The following PPCS variants were observed in gnomAD, a reference collection of about 807,000 sequenced individuals.
PPCS encodes phosphopantothenate--cysteine ligase.
A neutral mutation model predicts 24.6 loss-of-function variants in PPCS; 17 were observed. That is an observed-to-expected ratio of 0.69 (90% CI 0.47 to 1.04). The LOEUF is 1.04. Ranked by LOEUF, PPCS falls within the 50% of genes least tolerant of loss-of-function variation. PPCS has a pLI of 0.00. For synonymous variants in PPCS, 190 were observed against 168.3 expected, an observed-to-expected ratio of 1.13 and a Z score of -1.00; for missense variants, 360 against 402.8, an observed-to-expected ratio of 0.89 and a Z score of 0.91.
Position 42,471,036 on chromosome 1 carries a change from A to T in PPCS, n.378-2086A>T, listed in dbSNP as rs191991938. ...TAGAGGGAGACACATGGAGTTTAGG[A>T]TGGCAGGGTTTCAACATTAGCTCAG... On this transcript the variant is annotated intron_variant and non_coding_transcript_variant, in intron 2 of 2. Transcript: ENST00000471420. Among the ~76,000 whole-genome samples the T allele has an allele frequency of 6.6e-4, 100 of 152,334 alleles. 2 individuals carry two copies. Among genetic ancestry groups the T allele is most frequent in the Middle Eastern group, 3.4e-3 (1 of 294 alleles).
chr1:42,471,003 G>A (rs897576156), intron 2 of PPCS, among the ~76,000 whole-genome samples: 2 of 152,312 alleles, frequency 1.3e-5, no homozygotes, highest in Middle Eastern at 3.4e-3. Context: ...AAGAAGCATA[G>A]AAGGTGTTAG....
chr1:42,469,527 G>C (rs1296584453), intron 2 of PPCS, among the ~76,000 whole-genome samples: 1 of 152,164 alleles, frequency 6.6e-6, no homozygotes, highest in Non-Finnish European at 1.5e-5. Context: ...GTTATTTCTT[G>C]TATCTTTAAG....
Position 42,457,284 on chromosome 1 carries a change from A to G in PPCS, c.546A>G (p.Ser182=). ...TGTTTTACCTGGCTGCGGCTGTGTCAGATTTCTATGTTCCTGTCTCTGAAA... is the reference window on the plus strand; with the variant it reads ...TGTTTTACCTGGCTGCGGCTGTGTCGGATTTCTATGTTCCTGTCTCTGAAA... ...SAMFYLAAAV[S]DFYVPVSEMP... The change falls in exon 2 of 3, where the codon TCA becomes TCG. Residue 182 remains serine (S), a synonymous_variant. Transcript: ENST00000372561. The G allele has an allele frequency of 1.2e-5, 19 of 1,614,184 alleles. No individual in the cohort carries two copies. Among genetic ancestry groups the G allele is most frequent in the Non-Finnish European group, 1.6e-5 (19 of 1,180,030 alleles).
intron 2 of PPCS, among the ~76,000 whole-genome samples, chr1:42,467,182 G>A (rs983758444): frequency 6.6e-6 from 1 of 152,150 alleles, no homozygotes; most frequent in Non-Finnish European, 1.5e-5. Context: ...AAGAATATCT[G>A]GTCCCAAGCT....
rs1569627059 is a variant in PPCS at position 42,460,084 on chromosome 1, A to G, written c.*158A>G. On this transcript the variant is annotated 3_prime_UTR_variant, in exon 3 of 3. Transcript: ENST00000372561. ...ATGGTTTGGCATTTGTCTTTTAATG[A>G]CACCTGATATGATGTCATTTTGATT... The G allele has an allele frequency of 7.2e-7, 1 of 1,392,924 alleles. No homozygotes were observed. The highest frequency in any genetic ancestry group is 2.6e-5 in the East Asian group (1 of 39,170). The allele number at this position is 1,392,924 out of a possible 1,614,324, so 86.3% of individuals were successfully genotyped here.
Position 42,460,306 on chromosome 1 carries a change from G to A in PPCS, c.*380G>A. 1 of 992,694 alleles carries A rather than the reference G, an allele frequency of 1.0e-6. No homozygotes were observed. Among genetic ancestry groups the A allele is most frequent in the South Asian group, 4.6e-5 (1 of 21,890 alleles). The allele number at this position is 992,694 out of a possible 1,614,324, so 61.5% of individuals were successfully genotyped here. On this transcript the variant is annotated 3_prime_UTR_variant, in exon 3 of 3. Transcript: ENST00000372561. ...GCCTATGTATGTCAGGCCCTGTGCT[G>A]AGCCATGAGGATTAAAAAGATGAAT...
intron 2 of PPCS, among the ~76,000 whole-genome samples, chr1:42,466,990 T>C (rs1338714135): frequency 6.6e-6 from 1 of 152,214 alleles, no homozygotes; most frequent in Non-Finnish European, 1.5e-5. Flanking sequence ...TCTCAATAAA[T>C]CCACTGGGAA....
downstream of PPCS, among the ~76,000 whole-genome samples, chr1:42,465,020 A>C (rs1358272324): frequency 6.6e-6 from 1 of 152,196 alleles, no homozygotes; most frequent in Non-Finnish European, 1.5e-5. Context: ...CTCTTGAAAA[A>C]AGTGTTAGAT....
At chr1:42,467,084 A>T (rs1027082986) in intron 2 of PPCS, among the ~76,000 whole-genome samples, 2 of 152,248 alleles carry the variant, frequency 1.3e-5, no homozygotes, top group African/African-American at 4.8e-5. Flanking sequence ...GCAGCATGAT[A>T]GGGACCAATA....
chr1:42,456,423 A>G (rs779808909), upstream of PPCS: 5 of 904,736 alleles, frequency 5.5e-6, no homozygotes, highest in Non-Finnish European at 8.0e-6. Context: ...GCATTTCCAG[A>G]CTTGGCGAGA....
Position 42,460,584 on chromosome 1 carries a change from C to T in PPCS, c.*658C>T, listed in dbSNP as rs191483127. On this transcript the variant is annotated 3_prime_UTR_variant, in exon 3 of 3. Coordinates refer to ENST00000372561, the MANE Select transcript of PPCS (RefSeq NM_024664.4). ...TTACATTTCAAGTATTTTAGGACTGCTTTTCAGTTTAACTTAATATGTCCT... is the reference window on the plus strand; with the variant it reads ...TTACATTTCAAGTATTTTAGGACTGTTTTTCAGTTTAACTTAATATGTCCT... 6.6e-6 allele frequency among the ~76,000 whole-genome samples: 1 copy of T among 152,332 alleles called. No homozygotes were observed. Among genetic ancestry groups the T allele is most frequent in the African/African-American group, 2.4e-5 (1 of 41,572 alleles).
chr1:42,456,480 C>A, upstream of PPCS: 2 of 1,366,036 alleles, frequency 1.5e-6, no homozygotes, highest in Non-Finnish European at 9.6e-7. Flanking sequence ...CCACTCAGTA[C>A]GGCGCGGCGC....
upstream of PPCS, chr1:42,456,493 A>G: frequency 2.1e-6 from 3 of 1,403,060 alleles, no homozygotes; most frequent in South Asian, 4.5e-5. Flanking sequence ...CGCGGCGCGT[A>G]CACCAGGTAG....
chr1:42,464,603 G>C (rs190733570), downstream of PPCS, among the ~76,000 whole-genome samples: 7 of 152,308 alleles, frequency 4.6e-5, no homozygotes, highest in African/African-American at 1.7e-4. Flanking sequence ...AGACACAATT[G>C]TTCTAAAAAG....
chr1:42,457,397 T>C (rs760838558), intron 2 of PPCS, 47 bp downstream of exon 2: 2 of 1,518,278 alleles, frequency 1.3e-6, no homozygotes, highest in Admixed American at 3.3e-5. Context: ...ATAACCAATC[T>C]TGGGTTAATT....
chr1:42,469,032 A>C (rs955477045), intron 2 of PPCS, among the ~76,000 whole-genome samples: 3 of 152,032 alleles, frequency 2.0e-5, no homozygotes, highest in African/African-American at 7.3e-5. Flanking sequence ...AAAAAAAAAA[A>C]AACTTTCAGG....
chr1:42,473,354 G>T (rs896451702), exon 3 of PPCS: 1 of 1,020,200 alleles, frequency 9.8e-7, no homozygotes, highest in Non-Finnish European at 1.3e-6. Context: ...TTTGTTCATT[G>T]CCCTTCATTA....
downstream of PPCS, among the ~76,000 whole-genome samples, chr1:42,462,487 C>G (rs1643438387): frequency 6.6e-6 from 1 of 152,044 alleles, no homozygotes; most frequent in Non-Finnish European, 1.5e-5. Flanking sequence ...GAGTAAAATA[C>G]GTCCGGATAA....
downstream of PPCS, among the ~76,000 whole-genome samples, chr1:42,465,330 C>T (rs1643537690): frequency 6.6e-6 from 1 of 152,104 alleles, no homozygotes; most frequent in Admixed American, 6.6e-5. Context: ...AAATTCCTGT[C>T]ATTCTAGGAC....
Sources: gnomAD v4.1 joint callset for allele counts (sites outside exome capture counted in the v4.1 genomes callset) on GRCh38, gnomAD v4.1.1 for gene constraint, MANE v1.5 for transcripts, NCBI Gene and HGNC (gene_info 2026-07-23, HGNC 2026-07-21) for gene names.